The following ADAMTS20 variants were observed in gnomAD, a reference collection of about 807,000 sequenced individuals.
ADAMTS20 encodes ADAM metallopeptidase with thrombospondin type 1 motif 20, also known as A disintegrin and metalloproteinase with thrombospondin motifs 20.
Under a neutral mutation model 260.1 loss-of-function variants are expected in ADAMTS20, and 225 were observed. That is an observed-to-expected ratio of 0.87 (90% CI 0.78 to 0.97). ADAMTS20 has a LOEUF of 0.97. Ranked by LOEUF, ADAMTS20 falls within the 50% of genes least tolerant of loss-of-function variation. The pLI is 0.00. For synonymous variants in ADAMTS20, 802 were observed against 769.5 expected (o/e 1.04, Z -0.70); for missense variants, 2,400 against 2,337.7 (o/e 1.03, Z -0.55).
chr12:43,379,448 G>A (rs1940301692), intron 31 of ADAMTS20, among the ~76,000 whole-genome samples: 1 of 152,128 alleles, frequency 6.6e-6, no homozygotes, highest in Non-Finnish European at 1.5e-5. Flanking sequence ...GGAAGCATCT[G>A]AGGAGGGCCT....
intron 3 of ADAMTS20, among the ~76,000 whole-genome samples, chr12:43,529,852 T>C (rs1239836765): frequency 6.6e-6 from 1 of 151,644 alleles, no homozygotes; most frequent in Non-Finnish European, 1.5e-5. Flanking sequence ...CTAAACAACA[T>C]GTGAACTGAG....
chr12:43,433,426 C>A (rs1423669190), intron 19 of ADAMTS20, among the ~76,000 whole-genome samples: 1 of 152,042 alleles, frequency 6.6e-6, no homozygotes, highest in African/African-American at 2.4e-5. Flanking sequence ...CATTTCCGTC[C>A]CTAATAGCAT....
chr12:43,486,788 G>A (rs540816897), intron 7 of ADAMTS20, among the ~76,000 whole-genome samples: 2 of 152,058 alleles, frequency 1.3e-5, no homozygotes, highest in Non-Finnish European at 2.9e-5. Context: ...TTTCTCAAAG[G>A]AGATGTACAA....
At chr12:43,499,267 A>G (rs946517067) in intron 4 of ADAMTS20, among the ~76,000 whole-genome samples, 11 of 152,184 alleles carry the variant, frequency 7.2e-5, no homozygotes, top group East Asian at 3.9e-4. Context: ...TCTGTCTTCA[A>G]CAGAAACCTG....
rs1939686407 is a variant in ADAMTS20 at position 43,353,870 on chromosome 12, T to C, written c.*339A>G. 1 of 166,222 alleles carries C rather than the reference T, an allele frequency of 6.0e-6. No individual in the cohort carries two copies. Among genetic ancestry groups the C allele is most frequent in the African/African-American group, 2.4e-5 (1 of 41,974 alleles). The allele number at this position is 166,222 out of a possible 1,614,324, so 10.3% of individuals were successfully genotyped here. On this transcript the variant is annotated 3_prime_UTR_variant, in exon 39 of 39. Transcript: ENST00000389420. ...ACAAAACTGAGCAGAGATTTACATG[T>C]GTGTTTATAGGTATAAAATAAGTGT... is the stretch of plus-strand genomic sequence containing the variant.
At position 43,375,670 on chromosome 12, in the gene ADAMTS20, T is replaced by C. The variant is rs1321565860; in HGVS notation, c.5313-158A>G. Among the ~76,000 whole-genome samples the C allele has an allele frequency of 3.9e-5, 6 of 152,174 alleles. No individual in the cohort carries two copies. The East Asian group carries it at 9.6e-4, about 24-fold the overall frequency. On this transcript the variant is annotated intron_variant, in intron 35 of 38. Coordinates refer to ENST00000389420, the MANE Select transcript of ADAMTS20 (RefSeq NM_025003.5). ...AAGCAAAAATCACTTAAGGTGAACA[T>C]ACAACATTTTCAATGAAACATCTAA...
chr12:43,493,052 ATCAAG>A, intron 5 of ADAMTS20, 113 bp downstream of exon 5: 1 of 728,558 alleles, frequency 1.4e-6, no homozygotes. Flanking sequence ...TCCTTCTCAA[ATCAAG>A]TCTTTTAAAA....
chr12:43,371,672 C>T (rs1251290083), intron 36 of ADAMTS20, among the ~76,000 whole-genome samples: 1 of 151,990 alleles, frequency 6.6e-6, no homozygotes, highest in Non-Finnish European at 1.5e-5. Flanking sequence ...AGTGCGAAGG[C>T]CTTAAGATGG....
chr12:43,357,322 C>T (rs547736466), intron 37 of ADAMTS20, among the ~76,000 whole-genome samples: 45 of 152,238 alleles, frequency 3.0e-4, no homozygotes, highest in African/African-American at 5.5e-4. Context: ...AACAATATTA[C>T]GACATTCTTT....
chr12:43,434,317 G>C lies in ADAMTS20; in HGVS notation c.2648C>G (p.Ser883Cys), dbSNP rs762150759. ...CIHKSDHSVVSDKECDHLPLP... is the reference protein window; with the variant it reads ...CIHKSDHSVVCDKECDHLPLP... ...TGGCAAGTGGTCACATTCTTTATCA[G>C]ACACAACACTATGATCACTCTTATG... Residue 883 changes from serine (S) to cysteine (C), a missense_variant, in exon 19 of 39, where the codon TCT becomes TGT. Physicochemically the swap from Ser to Cys is moderately radical, Grantham distance 112 (BLOSUM62 -1). Coordinates refer to ENST00000389420, the MANE Select transcript of ADAMTS20 (RefSeq NM_025003.5). The C allele has an allele frequency of 6.3e-7, 1 of 1,593,602 alleles. No homozygotes were observed.
In ADAMTS20 at chr12:43,358,691, G is replaced by T. The variant is rs7976262; in HGVS notation, c.5539-2103C>A. Reference sequence around the variant, plus strand: ...GTCTCTACTAAAAATACAAAAATTAGCCAGGCATGGTGGCGCGCGCCTGTA... The same window carrying T: ...GTCTCTACTAAAAATACAAAAATTATCCAGGCATGGTGGCGCGCGCCTGTA... On this transcript the variant is annotated intron_variant, in intron 37 of 38. Coordinates refer to ENST00000389420, the MANE Select transcript of ADAMTS20 (RefSeq NM_025003.5). Among the ~76,000 whole-genome samples the T allele has an allele frequency of 4.4e-3, 668 of 151,260 alleles. 6 individuals are homozygous for T. Among genetic ancestry groups the T allele is most frequent in the African/African-American group, 0.016 (642 of 41,152 alleles).
rs896598273 is a variant in ADAMTS20, at chr12:43,425,545, T to C, written c.4253A>G (p.Asp1418Gly). Reference sequence around the variant, plus strand: ...CCATGGTTCCTGATGCCATGACACATCAGCAGGGCAAGCATGCATATGACA... The same window carrying C: ...CCATGGTTCCTGATGCCATGACACACCAGCAGGGCAAGCATGCATATGACA... ...IQCHMHACPA[D>G]VSWHQEPWTS... Residue 1418 changes from aspartate to glycine, a missense_variant, in exon 28 of 39, where the codon GAT becomes GGT. By Grantham distance (94) the Asp-to-Gly change is moderately conservative. Transcript: ENST00000389420. 3.8e-6 allele frequency: 6 copies of C among 1,574,360 alleles called. No homozygotes were observed. The highest frequency in any genetic ancestry group is 4.3e-6 in the Non-Finnish European group (5 of 1,155,904).
chr12:43,398,933 C>T, intron 29 of ADAMTS20, 133 bp downstream of exon 29: 1 of 484,424 alleles, frequency 2.1e-6, no homozygotes, highest in Non-Finnish European at 3.2e-6. Flanking sequence ...TACTAACTTA[C>T]AGCATAGTGC....
chr12:43,550,255 T>C (rs900294502), intron 2 of ADAMTS20, among the ~76,000 whole-genome samples: 1 of 152,246 alleles, frequency 6.6e-6, no homozygotes, highest in Non-Finnish European at 1.5e-5. Context: ...ATGATACTTT[T>C]ATATCACATT....
Position 43,408,172 on chromosome 12 carries a change from A to C in ADAMTS20, c.4285-8939T>G, listed in dbSNP as rs192190010. On this transcript the variant is annotated intron_variant, in intron 28 of 38. Coordinates refer to ENST00000389420, the MANE Select transcript of ADAMTS20 (RefSeq NM_025003.5). The stretch of plus-strand genomic sequence containing the variant: ...TTTCTTAATGTTTTTACACAAATCA[A>C]ATGAAACACTGCTTTTGAAAGAATG... Among the ~76,000 whole-genome samples the C allele has an allele frequency of 1.7e-3, 259 of 152,296 alleles. 3 individuals are homozygous for C. The highest frequency in any genetic ancestry group is 6.1e-3 in the African/African-American group (253 of 41,576).
chr12:43,355,467 C>T (rs1249145427), intron 38 of ADAMTS20, among the ~76,000 whole-genome samples: 1 of 152,108 alleles, frequency 6.6e-6, no homozygotes, highest in African/African-American at 2.4e-5. Flanking sequence ...TTAATAAAAA[C>T]ACAAATCCTT....
chr12:43,405,245 A>C (rs1457253752), intron 28 of ADAMTS20, among the ~76,000 whole-genome samples: 4 of 137,258 alleles, frequency 2.9e-5, no homozygotes, highest in Admixed American at 7.3e-5. Context: ...AAAAAAAAAA[A>C]AAAAAAAAAA....
intron 29 of ADAMTS20, among the ~76,000 whole-genome samples, chr12:43,387,067 A>G (rs908729160): frequency 5.9e-5 from 9 of 152,290 alleles, no homozygotes; most frequent in Non-Finnish European, 1.2e-4. Flanking sequence ...GAGAAGAGGC[A>G]TTCTGGTTTT....
rs537053112 is a variant in ADAMTS20, at chr12:43,474,119, A to G, written c.1118-5414T>C. Among the ~76,000 whole-genome samples the G allele has an allele frequency of 2.4e-4, 37 of 151,790 alleles. No homozygotes were observed. The East Asian group carries it at 6.2e-3, about 26-fold the overall frequency. On this transcript the variant is annotated intron_variant, in intron 7 of 38. Coordinates refer to ENST00000389420, the MANE Select transcript of ADAMTS20 (RefSeq NM_025003.5). ...AGACTAATAAAGAAAAAAAGAGAGCAGAATCAAATAGACACAATAAAAAAT... is the reference window on the plus strand; with the variant it reads ...AGACTAATAAAGAAAAAAAGAGAGCGGAATCAAATAGACACAATAAAAAAT...
Sources: gnomAD v4.1 joint callset for allele counts (sites outside exome capture counted in the v4.1 genomes callset) on GRCh38, gnomAD v4.1.1 for gene constraint, MANE v1.5 for transcripts, NCBI Gene and HGNC (gene_info 2026-07-23, HGNC 2026-07-21) for gene names.